Variants in MCF2L observed in about 807,000 individuals in gnomAD.
The protein encoded by MCF2L is MCF.2 cell line derived transforming sequence like.
In MCF2L, 97 loss-of-function variants were observed where a neutral mutation model predicts 153.4. The observed-to-expected ratio is 0.63, with a 90% CI of 0.54 to 0.75. The LOEUF (loss-of-function observed/expected upper bound fraction) is 0.75. Ranked by LOEUF, MCF2L falls within the 30% of genes least tolerant of loss-of-function variation. The probability of loss-of-function intolerance (pLI) is 0.00; values close to 1 mark genes in which losing one functional copy is unlikely to be tolerated. For synonymous variants in MCF2L, 659 were observed against 632.2 expected, an observed-to-expected ratio of 1.04 and a Z score of -0.64; for missense variants, 1,347 against 1,495.2, an observed-to-expected ratio of 0.90 and a Z score of 1.64.
intron 1 of MCF2L, among the ~76,000 whole-genome samples, chr13:112,896,368 G>A (rs1304736835): frequency 2.0e-5 from 3 of 152,034 alleles, no homozygotes; most frequent in Non-Finnish European, 2.9e-5. Context: ...TGCTCACATC[G>A]AGGACCCCAG....
chr13:112,947,890 A>G (rs2081653708), intron 2 of MCF2L, among the ~76,000 whole-genome samples: 1 of 152,184 alleles, frequency 6.6e-6, no homozygotes, highest in Admixed American at 6.5e-5. Flanking sequence ...CACCCAGGCT[A>G]TCCACAGCAT....
intron 2 of MCF2L, among the ~76,000 whole-genome samples, chr13:112,922,545 C>T (rs867236913): frequency 2.8e-4 from 42 of 148,258 alleles, no homozygotes; most frequent in African/African-American, 8.5e-4. Flanking sequence ...AAAAAAAAAA[C>T]CCATCAGCCA....
intron 2 of MCF2L, chr13:112,917,128 C>G (rs1189839792): frequency 6.4e-6 from 3 of 471,298 alleles, no homozygotes; most frequent in Middle Eastern, 3.2e-4. Context: ...TCGGCGATCT[C>G]AGTCCCCTGG....
intron 2 of MCF2L, among the ~76,000 whole-genome samples, chr13:112,958,570 G>C (rs2081786383): frequency 6.6e-6 from 1 of 152,230 alleles, no homozygotes; most frequent in African/African-American, 2.4e-5. Context: ...CCAAAGACCA[G>C]GCTGCATCCT....
At position 113,070,221 on chromosome 13, in the gene MCF2L, C is replaced by G. The variant is rs377096558; in HGVS notation, c.996+48C>G. ...GGCAGCCGCCCTGATGCTCACGGGG[C>G]CTCCTGTGCCTGCGCCCTGGTCCCA... On this transcript the variant is annotated intron_variant, in intron 9 of 29. Coordinates refer to ENST00000535094, the MANE Select transcript of MCF2L (RefSeq NM_001112732.3). This position sits in a 1 kb window ranked among gnomAD's most constrained non-coding sequence, Gnocchi z 5.6. 5 of 1,289,028 alleles carry G rather than the reference C, an allele frequency of 3.9e-6. No individual in the cohort carries two copies. In the East Asian group the frequency reaches 1.3e-4, roughly 34 times the overall value. The allele number at this position is 1,289,028 out of a possible 1,614,324, so 79.8% of individuals were successfully genotyped here.
intron 3 of MCF2L, among the ~76,000 whole-genome samples, chr13:113,038,941 G>A (rs189242705): frequency 0.021 from 3,139 of 152,184 alleles, 95 homozygotes; most frequent in African/African-American, 0.072. Flanking sequence ...CACTGCAAGC[G>A]CCGCCTCCCG....
At chr13:112,925,541 A>G (rs1749620850) in intron 2 of MCF2L, among the ~76,000 whole-genome samples, 1 of 152,226 alleles carries the variant, frequency 6.6e-6, no homozygotes. Context: ...AAGCTACACG[A>G]GAAGAAATAA....
chr13:113,018,511 C>T (rs1309673456), intron 2 of MCF2L, among the ~76,000 whole-genome samples: 1 of 152,180 alleles, frequency 6.6e-6, no homozygotes, highest in East Asian at 1.9e-4. Context: ...CTCTTTCTTA[C>T]TGAAGGCTGA....
chr13:112,931,346 C>G (rs73572857), intron 2 of MCF2L, among the ~76,000 whole-genome samples: 7 of 152,182 alleles, frequency 4.6e-5, no homozygotes, highest in African/African-American at 1.7e-4. Context: ...CGTCGTTTCC[C>G]GTAGATACAG....
rs149417963 is a variant in MCF2L, at chr13:112,909,376, A to G, written c.169+7005A>G. 9.3e-3 allele frequency: 7,120 copies of G among 767,846 alleles called. 68 individuals carry two copies. The highest frequency in any genetic ancestry group is 0.012 in the South Asian group (905 of 73,298). 47.6% of individuals were successfully genotyped at this position (767,846 alleles called of 1,614,324 possible). A position where few individuals can be genotyped will look rare whatever the true frequency, so the allele number is the denominator to read the frequency against. Reference sequence around the variant, plus strand: ...GGCCTCCCCGCCCAGCATGGGTTGAAGCCAGGCTAAGGCGTTGATCCCAAG... The same window carrying G: ...GGCCTCCCCGCCCAGCATGGGTTGAGGCCAGGCTAAGGCGTTGATCCCAAG... On this transcript the variant is annotated intron_variant, in intron 2 of 29. Coordinates refer to the MCF2L transcript ENST00000375608.
rs1397619411 is a variant in MCF2L at position 113,099,662 on chromosome 13, A to G, written c.*2803A>G. 6.6e-6 allele frequency: 1 copy of G among 152,198 alleles called. No individual in the cohort carries two copies. Among genetic ancestry groups the G allele is most frequent in the Non-Finnish European group, 1.5e-5 (1 of 68,042 alleles). The allele number at this position is 152,198 out of a possible 1,614,324, so 9.4% of individuals were successfully genotyped here. On this transcript the variant is annotated 3_prime_UTR_variant, in exon 30 of 30. Transcript: ENST00000535094. ...AGCAAAACTCAAACTTTGTACCTGA[A>G]AAATCTAATAAAACTGACTAATTTA...
At position 113,033,180 on chromosome 13, in the gene MCF2L, C is replaced by T. The variant is rs113384131; in HGVS notation, c.278+8422C>T. On this transcript the variant is annotated intron_variant, in intron 3 of 29. Transcript: ENST00000535094. Reference sequence around the variant, plus strand: ...CCCGTGGCGTGAGTGGCCCCCATGACGTGAGTGGACCCCGTGACGTGAGTG... The same window carrying T: ...CCCGTGGCGTGAGTGGCCCCCATGATGTGAGTGGACCCCGTGACGTGAGTG... 2.8e-3 allele frequency among the ~76,000 whole-genome samples: 253 copies of T among 91,578 alleles called. 1 individual carries two copies. The highest frequency in any genetic ancestry group is 9.5e-3 in the African/African-American group (225 of 23,678). The allele number at this position is 91,578 out of a possible 152,430, so 60.1% of individuals were successfully genotyped here.
chr13:112,935,088 C>A (rs2081501676), intron 2 of MCF2L, among the ~76,000 whole-genome samples: 1 of 152,182 alleles, frequency 6.6e-6, no homozygotes. Context: ...AGGGGCACTG[C>A]CAATGTATGT....
intron 9 of MCF2L, among the ~76,000 whole-genome samples, chr13:113,071,827 A>C (rs2032952284): frequency 6.6e-6 from 1 of 152,196 alleles, no homozygotes; most frequent in Non-Finnish European, 1.5e-5. Context: ...TTTCTTTTTC[A>C]AAATTGTGTT....
At chr13:112,992,683 C>T (rs1362712753) in intron 1 of MCF2L, among the ~76,000 whole-genome samples, 1 of 152,190 alleles carries the variant, frequency 6.6e-6, no homozygotes, top group Non-Finnish European at 1.5e-5. Context: ...GAAATGGACA[C>T]TGAATATTCT....
chr13:112,937,054 A>AT (rs1057063591), intron 2 of MCF2L, among the ~76,000 whole-genome samples: 3 of 152,044 alleles, frequency 2.0e-5, no homozygotes, highest in Non-Finnish European at 4.4e-5. Flanking sequence ...TACATATTTT[A>AT]TTTTTTTATT....
chr13:113,096,909 T>TG lies in MCF2L; in HGVS notation c.*54dup, dbSNP rs1473864046. 2.4e-6 allele frequency: 3 copies of TG among 1,252,268 alleles called. No individual in the cohort carries two copies. Among genetic ancestry groups the TG allele is most frequent in the African/African-American group, 3.2e-5 (2 of 63,250 alleles). The allele number at this position is 1,252,268 out of a possible 1,614,324, so 77.6% of individuals were successfully genotyped here. A position where few individuals can be genotyped will look rare whatever the true frequency, so the allele number is the denominator to read the frequency against. Reference sequence around the variant, plus strand: ...CGCGCTGTCTGGGGCTGCGGTGGCGTGGGGAGGGCGCGGCCCCCGGACGCC... The same window carrying TG: ...CGCGCTGTCTGGGGCTGCGGTGGCGTGGGGGAGGGCGCGGCCCCCGGACGCC... On this transcript the variant is annotated 3_prime_UTR_variant, in exon 30 of 30. Transcript: ENST00000535094.
At chr13:112,985,054 G>A (rs1244326543) in intron 1 of MCF2L, 1 of 200,750 alleles carries the variant, frequency 5.0e-6, no homozygotes, top group Non-Finnish European at 1.0e-5. Context: ...AAGCAAGGGA[G>A]GCCATGCCCC....
At chr13:113,085,419 A>G (rs1348388889) in intron 20 of MCF2L, among the ~76,000 whole-genome samples, 1 of 152,140 alleles carries the variant, frequency 6.6e-6, no homozygotes, top group Non-Finnish European at 1.5e-5. Flanking sequence ...CCCAGCCCAC[A>G]TGGGATTCTG....
Sources: gnomAD v4.1 joint callset for allele counts (sites outside exome capture counted in the v4.1 genomes callset) on GRCh38, gnomAD v4.1.1 for gene constraint, Gnocchi (gnomAD v3.1) non-coding constraint, MANE v1.5 for transcripts, NCBI Gene and HGNC (gene_info 2026-07-23, HGNC 2026-07-21) for gene names.